The following HLCS variants were observed in gnomAD, a reference collection of about 807,000 sequenced individuals.
HLCS encodes the protein biotin--protein ligase.
A neutral mutation model predicts 75.0 loss-of-function variants in HLCS; 53 were observed. That is an observed-to-expected ratio of 0.71 (90% CI 0.57 to 0.89). The LOEUF is 0.89. HLCS is among the 40% of genes least tolerant of loss of function. The pLI is 0.00. For synonymous variants in HLCS, 431 were observed against 428.6 expected (o/e 1.01, Z -0.07); for missense variants, 966 against 1,074.0 (o/e 0.90, Z 1.41).
intron 5 of HLCS, among the ~76,000 whole-genome samples, chr21:36,914,225 G>A (rs1045211198): frequency 2.0e-5 from 3 of 152,130 alleles, no homozygotes; most frequent in Non-Finnish European, 4.4e-5. Flanking sequence ...CTGGTTATGC[G>A]TCCCCTCTCA....
At position 36,835,325 on chromosome 21, in the gene HLCS, G is replaced by A. The variant is rs114828055; in HGVS notation, c.1892+61535C>T. Among the ~76,000 whole-genome samples, 359 of 152,176 alleles carry A rather than the reference G, an allele frequency of 2.4e-3. 1 individual carries two copies. Among genetic ancestry groups the A allele is most frequent in the African/African-American group, 8.3e-3 (344 of 41,506 alleles). On this transcript the variant is annotated intron_variant, in intron 6 of 10. Transcript: ENST00000674895. ...TATACAAACCCCACAGAAATCAGGC[G>A]GCAAAAGCAATAATCATAACTATCA...
chr21:36,983,465 C>T (rs376327485), intron 1 of HLCS, among the ~76,000 whole-genome samples: 3 of 151,900 alleles, frequency 2.0e-5, no homozygotes, highest in Non-Finnish European at 4.4e-5. Context: ...CCCACCTCGA[C>T]CTCCCAAAGT....
intron 2 of HLCS, among the ~76,000 whole-genome samples, chr21:36,945,811 T>C (rs1188919540): frequency 6.6e-6 from 1 of 152,238 alleles, no homozygotes; most frequent in South Asian, 2.1e-4. Flanking sequence ...ATGTGAATTA[T>C]ATCTCAATTT....
intron 6 of HLCS, among the ~76,000 whole-genome samples, chr21:36,805,718 T>C (rs1001804294): frequency 6.6e-6 from 1 of 152,146 alleles, no homozygotes; most frequent in Non-Finnish European, 1.5e-5. Context: ...GAGTATACTT[T>C]TACTATGACT....
At chr21:36,856,481 C>A (rs1488145343) in intron 6 of HLCS, among the ~76,000 whole-genome samples, 1 of 152,102 alleles carries the variant, frequency 6.6e-6, no homozygotes, top group East Asian at 1.9e-4. Flanking sequence ...AAAATAGAAT[C>A]TATCTCAGAT....
intron 2 of HLCS, among the ~76,000 whole-genome samples, chr21:36,953,319 C>T (rs1230424277): frequency 6.6e-6 from 1 of 152,174 alleles, no homozygotes; most frequent in Non-Finnish European, 1.5e-5. Context: ...TTCCCCCACT[C>T]TGAAGGCTAG....
At chr21:36,820,088 C>G (rs1293091151) in intron 6 of HLCS, among the ~76,000 whole-genome samples, 1 of 152,354 alleles carries the variant, frequency 6.6e-6, no homozygotes, top group South Asian at 2.1e-4. Flanking sequence ...AACCAGCACC[C>G]CTCCCTCAGT....
At chr21:36,800,691 G>C (rs746674862) in intron 6 of HLCS, among the ~76,000 whole-genome samples, 6 of 152,160 alleles carry the variant, frequency 3.9e-5, no homozygotes, top group African/African-American at 4.8e-5. Flanking sequence ...CTATGGCTCA[G>C]CTATAATACT....
chr21:36,805,722 T>A (rs139577499), intron 6 of HLCS, among the ~76,000 whole-genome samples: 24 of 152,276 alleles, frequency 1.6e-4, no homozygotes, highest in African/African-American at 5.5e-4. Flanking sequence ...ATACTTTTAC[T>A]ATGACTTAAT....
intron 5 of HLCS, among the ~76,000 whole-genome samples, chr21:36,898,637 C>G (rs533181840): frequency 1.4e-3 from 207 of 152,092 alleles, no homozygotes; most frequent in Non-Finnish European, 1.8e-3. Flanking sequence ...TAATGAAACA[C>G]AATGGGTGGT....
At position 36,880,954 on chromosome 21, in the gene HLCS, TTTTGTTTGTTTG is replaced by T. The variant is rs146652378; in HGVS notation, c.1892+15894_1892+15905del. Among the ~76,000 whole-genome samples, 46 of 150,210 alleles carry T rather than the reference TTTTGTTTGTTTG, an allele frequency of 3.1e-4. No individual in the cohort carries two copies. In the Middle Eastern group the frequency reaches 0.01, roughly 33 times the overall value. On this transcript the variant is annotated intron_variant, in intron 6 of 10. Transcript: ENST00000674895. The stretch of plus-strand genomic sequence containing the variant: ...GTTGGAAGCGATGCCAGCAGAGAGT[TTTTGTTTGTTTG>T]TTTGTTTGTTTGTTTGTTTGTTTTG...
chr21:36,949,516 C>G (rs1375609605), intron 2 of HLCS, among the ~76,000 whole-genome samples: 1 of 152,254 alleles, frequency 6.6e-6, no homozygotes, highest in African/African-American at 2.4e-5. Context: ...ATGATCTGGC[C>G]TGAGAATTTT....
intron 6 of HLCS, among the ~76,000 whole-genome samples, chr21:36,888,379 T>A (rs1308274417): frequency 6.8e-6 from 1 of 146,336 alleles, no homozygotes; most frequent in African/African-American, 2.6e-5. Context: ...AATACTATCT[T>A]TCTTAAATGA....
chr21:36,893,251 T>A (rs1014570444), intron 6 of HLCS, among the ~76,000 whole-genome samples: 1 of 152,142 alleles, frequency 6.6e-6, no homozygotes, highest in Non-Finnish European at 1.5e-5. Context: ...TTTGTATTTT[T>A]AGTAGAGACA....
At chr21:36,756,260 A>C (rs2089574990) in intron 10 of HLCS, among the ~76,000 whole-genome samples, 1 of 151,350 alleles carries the variant, frequency 6.6e-6, no homozygotes, top group Non-Finnish European at 1.5e-5. Context: ...AACACGGTGA[A>C]ACCCCACCTC....
At chr21:36,987,232 T>C (rs1262362406) in intron 1 of HLCS, among the ~76,000 whole-genome samples, 2 of 152,196 alleles carry the variant, frequency 1.3e-5, no homozygotes, top group African/African-American at 4.8e-5. Context: ...GAAAACAAGA[T>C]ATGGGCATGA....
At chr21:36,843,994 C>T (rs1164492036) in intron 6 of HLCS, among the ~76,000 whole-genome samples, 1 of 152,138 alleles carries the variant, frequency 6.6e-6, no homozygotes, top group Non-Finnish European at 1.5e-5. Context: ...TGTGACAGAG[C>T]AAGACACTGT....
At chr21:36,900,139 AC>A (rs1161791707) in intron 5 of HLCS, among the ~76,000 whole-genome samples, 1 of 152,102 alleles carries the variant, frequency 6.6e-6, no homozygotes, top group Non-Finnish European at 1.5e-5. Context: ...AACAAAAAAA[AC>A]AAAGTTAAAA....
At chr21:36,754,581 C>A (rs911624803) in intron 10 of HLCS, among the ~76,000 whole-genome samples, 164 bp from the exon 11 acceptor site, 3 of 152,192 alleles carry the variant, frequency 2.0e-5, no homozygotes, top group African/African-American at 7.2e-5. Flanking sequence ...CTTTCTTCCA[C>A]CCTGGTGAAT....
Sources: allele counts gnomAD v4.1 joint callset (sites outside exome capture counted in the v4.1 genomes callset), GRCh38; gene constraint gnomAD v4.1.1; transcripts MANE v1.5; gene names NCBI Gene and HGNC (gene_info 2026-07-23, HGNC 2026-07-21).